MTMR7: variants seen among roughly 807,000 people sequenced by gnomAD.
MTMR7 encodes myotubularin related protein 7, also known as phosphatidylinositol-3-phosphate phosphatase MTMR7.
A neutral mutation model predicts 81.2 loss-of-function variants in MTMR7; 76 were observed. The ratio of observed to expected loss-of-function variants is 0.94; its 90% CI spans 0.78 to 1.13. MTMR7 has a LOEUF of 1.13. MTMR7 is among the 50% of genes most tolerant of loss of function. The probability of loss-of-function intolerance (pLI) is 0.00; values close to 1 mark genes in which losing one functional copy is unlikely to be tolerated. For missense variants in MTMR7, 1,044 were observed against 820.0 expected, an observed-to-expected ratio of 1.27 and a Z score of -3.34; for synonymous variants, 372 against 289.8, an observed-to-expected ratio of 1.28 and a Z score of -2.88.
intron 4 of MTMR7, among the ~76,000 whole-genome samples, chr8:17,353,445 T>A (rs1045157600): frequency 3.3e-5 from 5 of 152,198 alleles, no homozygotes; most frequent in African/African-American, 1.2e-4. Flanking sequence ...ATGCATTTTT[T>A]AAATCACAAT....
intron 6 of MTMR7, among the ~76,000 whole-genome samples, chr8:17,332,407 C>T (rs985856263): frequency 5.9e-5 from 9 of 152,086 alleles, no homozygotes; most frequent in African/African-American, 2.2e-4. Context: ...GCTGAAAACC[C>T]ATGACTATCT....
chr8:17,335,260 C>A lies in MTMR7; in HGVS notation c.733-3978G>T, dbSNP rs184243756. On this transcript the variant is annotated intron_variant, in intron 6 of 13. Coordinates refer to ENST00000180173, the MANE Select transcript of MTMR7 (RefSeq NM_004686.5). ...TGAGTGTCTCATTGATGGCCACATC[C>A]GTATCCTTCAAACCGGCATGGAACA... 1.4e-3 allele frequency among the ~76,000 whole-genome samples: 216 copies of A among 152,208 alleles called. 2 individuals carry two copies. Among genetic ancestry groups the A allele is most frequent in the African/African-American group, 4.9e-3 (203 of 41,520 alleles).
intron 1 of MTMR7, among the ~76,000 whole-genome samples, chr8:17,395,927 T>G (rs1485336055): frequency 1.3e-5 from 2 of 152,192 alleles, no homozygotes; most frequent in South Asian, 4.1e-4. Context: ...AATACAACAT[T>G]CTTCTCATAC....
chr8:17,388,561 T>C (rs1353009138), intron 1 of MTMR7, among the ~76,000 whole-genome samples: 1 of 152,216 alleles, frequency 6.6e-6, no homozygotes, highest in Non-Finnish European at 1.5e-5. Context: ...TTTAACGATA[T>C]TTCTAAAATT....
chr8:17,326,683 T>G (rs1818698555), intron 7 of MTMR7, among the ~76,000 whole-genome samples: 1 of 152,202 alleles, frequency 6.6e-6, no homozygotes, highest in Non-Finnish European at 1.5e-5. Context: ...ACAGCCAACA[T>G]GTGGGGCCCT....
intron 7 of MTMR7, among the ~76,000 whole-genome samples, chr8:17,323,490 G>A (rs752716274): frequency 1.1e-4 from 17 of 152,062 alleles, no homozygotes; most frequent in Non-Finnish European, 1.9e-4. Context: ...AAGAGAAGTC[G>A]ACACTGGGAA....
At chr8:17,337,539 G>A (rs1027503157) in intron 6 of MTMR7, among the ~76,000 whole-genome samples, 1 of 152,102 alleles carries the variant, frequency 6.6e-6, no homozygotes, top group Non-Finnish European at 1.5e-5. Context: ...GCACTAATAC[G>A]TGCCCTGAAG....
chr8:17,364,099 G>C (rs889634045), intron 3 of MTMR7, among the ~76,000 whole-genome samples: 3 of 137,254 alleles, frequency 2.2e-5, no homozygotes, highest in African/African-American at 8.2e-5. Context: ...GCGCGATCTC[G>C]GCTCACTGCA....
intron 10 of MTMR7, among the ~76,000 whole-genome samples, chr8:17,308,323 A>C (rs1817598818): frequency 6.6e-6 from 1 of 152,176 alleles, no homozygotes; most frequent in South Asian, 2.1e-4. Context: ...ATAGAACCCC[A>C]AACTGAAAAT....
At chr8:17,400,214 G>A (rs1369424032) in intron 1 of MTMR7, among the ~76,000 whole-genome samples, 2 of 152,124 alleles carry the variant, frequency 1.3e-5, no homozygotes, top group Non-Finnish European at 2.9e-5. Context: ...AGAAAATTCT[G>A]AAATAACACT....
At chr8:17,350,788 T>C (rs1432386356) in intron 4 of MTMR7, among the ~76,000 whole-genome samples, 2 of 152,106 alleles carry the variant, frequency 1.3e-5, no homozygotes, top group East Asian at 3.9e-4. Flanking sequence ...GAAAACTACA[T>C]AGAGCAGGGA....
chr8:17,404,987 G>A (rs1452361597), intron 1 of MTMR7, among the ~76,000 whole-genome samples: 1 of 152,114 alleles, frequency 6.6e-6, no homozygotes, highest in Admixed American at 6.5e-5. Context: ...CGCTATGACT[G>A]GCTAATTTTT....
In MTMR7 at chr8:17,305,753, T is replaced by C. The variant is rs1405011691; in HGVS notation, c.1352+4A>G. 6.2e-7 allele frequency: 1 copy of C among 1,602,864 alleles called. No homozygotes were observed. Among genetic ancestry groups the C allele is most frequent in the South Asian group, 1.1e-5 (1 of 90,346 alleles). ...TTAAACACCAAAAACACCAAAACAC[T>C]TACTTGAGTTCTCGTCTCTCCTTTT... On this transcript the variant is annotated splice_donor_region_variant and intron_variant, in intron 11 of 13. Transcript: ENST00000180173.
intron 8 of MTMR7, among the ~76,000 whole-genome samples, chr8:17,312,345 C>T (rs757799626): frequency 4.1e-4 from 62 of 152,136 alleles, no homozygotes; most frequent in Non-Finnish European, 7.6e-4. Flanking sequence ...GAGGCCGTGG[C>T]GGGTGGATCA....
intron 6 of MTMR7, among the ~76,000 whole-genome samples, chr8:17,335,623 A>T (rs751265183): frequency 1.3e-5 from 2 of 152,234 alleles, no homozygotes; most frequent in Admixed American, 6.5e-5. Flanking sequence ...ACAGGTGGTC[A>T]AATGACGGTC....
At chr8:17,334,254 T>A (rs945342913) in intron 6 of MTMR7, among the ~76,000 whole-genome samples, 2 of 152,224 alleles carry the variant, frequency 1.3e-5, no homozygotes, top group Non-Finnish European at 2.9e-5. Context: ...AAGCAGGAGA[T>A]ACGGTTTTAC....
chr8:17,401,945 T>C (rs1416399302), intron 1 of MTMR7, among the ~76,000 whole-genome samples: 1 of 152,194 alleles, frequency 6.6e-6, no homozygotes, highest in African/African-American at 2.4e-5. Context: ...TAAGGAACTA[T>C]GGAATGACAA....
intron 7 of MTMR7, among the ~76,000 whole-genome samples, chr8:17,315,815 C>A (rs1208011965): frequency 6.6e-6 from 1 of 152,082 alleles, no homozygotes; most frequent in Non-Finnish European, 1.5e-5. Context: ...AGTTCAAGAA[C>A]AGCCTATATA....
At chr8:17,385,535 C>T (rs138245484) in intron 1 of MTMR7, among the ~76,000 whole-genome samples, 4 of 152,280 alleles carry the variant, frequency 2.6e-5, no homozygotes, top group South Asian at 2.1e-4. Flanking sequence ...CTTCGTCTTC[C>T]GCCACGATTG....
Sources: allele counts gnomAD v4.1 joint callset (sites outside exome capture counted in the v4.1 genomes callset), GRCh38; gene constraint gnomAD v4.1.1; transcripts MANE v1.5; gene names NCBI Gene and HGNC (gene_info 2026-07-23, HGNC 2026-07-21).